FRAS1: variants seen among roughly 807,000 people sequenced by gnomAD.
FRAS1 encodes the protein Fraser extracellular matrix complex subunit 1.
In FRAS1, 290 loss-of-function variants were observed where a neutral mutation model predicts 435.2. The ratio of observed to expected loss-of-function variants is 0.67; its 90% confidence interval spans 0.61 to 0.73. FRAS1 has a LOEUF of 0.73. FRAS1 is among the 30% of genes least tolerant of loss of function. The probability of loss-of-function intolerance (pLI) is 0.00; values close to 1 mark genes in which losing one functional copy is unlikely to be tolerated. For synonymous variants in FRAS1, 1,800 were observed against 1,851.0 expected, an observed-to-expected ratio of 0.97 and a Z score of 0.71; for missense variants, 4,860 against 5,001.5, an observed-to-expected ratio of 0.97 and a Z score of 0.85.
intron 14 of FRAS1, among the ~76,000 whole-genome samples, chr4:78,296,559 A>G (rs1728153906): frequency 6.6e-6 from 1 of 152,180 alleles, no homozygotes; most frequent in Non-Finnish European, 1.5e-5. Flanking sequence ...GAGCCTCACC[A>G]AGGTATTTCC....
chr4:78,415,887 A>G (rs1210233455), intron 32 of FRAS1, among the ~76,000 whole-genome samples: 1 of 152,138 alleles, frequency 6.6e-6, no homozygotes, highest in Admixed American at 6.6e-5. Flanking sequence ...GTCAGAAAAC[A>G]AACAGGCTAT....
chr4:78,501,274 T>C (rs563342531), intron 61 of FRAS1, among the ~76,000 whole-genome samples: 1 of 152,216 alleles, frequency 6.6e-6, no homozygotes, highest in South Asian at 2.1e-4. Flanking sequence ...GCTTCATCCA[T>C]GTCCCTGCAA....
At chr4:78,117,187 C>A (rs193152408) in intron 2 of FRAS1, among the ~76,000 whole-genome samples, 11 of 152,328 alleles carry the variant, frequency 7.2e-5, no homozygotes, top group African/African-American at 2.6e-4. Context: ...TGTAGAGTTT[C>A]TGCCAAGAGA....
chr4:78,410,898 C>T (rs1733306957), intron 31 of FRAS1, among the ~76,000 whole-genome samples: 1 of 152,134 alleles, frequency 6.6e-6, no homozygotes, highest in African/African-American at 2.4e-5. Flanking sequence ...TCTAAAGTCT[C>T]ATTGTTTTAT....
rs114822652 is a variant in FRAS1, at chr4:78,516,581, A to G, written c.10389+568A>G. 8.7e-3 allele frequency among the ~76,000 whole-genome samples: 1,322 copies of G among 152,340 alleles called. 22 individuals are homozygous for G. The highest frequency in any genetic ancestry group is 0.03 in the African/African-American group (1,265 of 41,574). On this transcript the variant is annotated intron_variant, in intron 66 of 73. Coordinates refer to ENST00000512123, the MANE Select transcript of FRAS1 (RefSeq NM_025074.7). ...TGTGTTAGTCTATTCTCACACTACCATAAAGACAAACCAGAGACTGGTAAT... is the reference window on the plus strand; with the variant it reads ...TGTGTTAGTCTATTCTCACACTACCGTAAAGACAAACCAGAGACTGGTAAT...
At chr4:78,215,855 G>A (rs10446717) in intron 2 of FRAS1, among the ~76,000 whole-genome samples, 7,063 of 152,226 alleles carry the variant, frequency 0.046, 239 homozygotes, top group Non-Finnish European at 0.072. Context: ...TTCATCTGTC[G>A]ACAGACACTT....
At chr4:78,452,887 A>G (rs199721818) in intron 47 of FRAS1, among the ~76,000 whole-genome samples, 1 of 151,998 alleles carries the variant, frequency 6.6e-6, no homozygotes, top group African/African-American at 2.4e-5. Flanking sequence ...TTTAAGAAAG[A>G]TATAAACATG....
chr4:78,319,843 T>C (rs1177908929), intron 18 of FRAS1, among the ~76,000 whole-genome samples: 2 of 152,192 alleles, frequency 1.3e-5, no homozygotes, highest in African/African-American at 4.8e-5. Context: ...GTTTCAAGAC[T>C]AGGTTAAAAG....
chr4:78,165,213 C>T (rs777315812), intron 2 of FRAS1, among the ~76,000 whole-genome samples: 16 of 152,294 alleles, frequency 1.1e-4, no homozygotes, highest in Admixed American at 7.2e-4. Context: ...AAAACACTTT[C>T]ATCATTGCCT....
chr4:78,324,361 G>A (rs546360787), intron 18 of FRAS1, among the ~76,000 whole-genome samples: 1 of 152,224 alleles, frequency 6.6e-6, no homozygotes, highest in East Asian at 1.9e-4. Flanking sequence ...ATTTAACTGA[G>A]CGTCTTGTGT....
chr4:78,534,887 C>T (rs139353859), intron 71 of FRAS1, among the ~76,000 whole-genome samples: 133 of 152,278 alleles, frequency 8.7e-4, no homozygotes, highest in African/African-American at 3.0e-3. Context: ...CTGGCATTTC[C>T]GACCAGATTC....
At chr4:78,232,084 A>G (rs541485146) in intron 2 of FRAS1, among the ~76,000 whole-genome samples, 2 of 152,324 alleles carry the variant, frequency 1.3e-5, no homozygotes, top group African/African-American at 4.8e-5. Context: ...TTTGGATTTT[A>G]TGGCTTTATC....
At chr4:78,332,986 A>G (rs948145568) in intron 18 of FRAS1, among the ~76,000 whole-genome samples, 1 of 152,208 alleles carries the variant, frequency 6.6e-6, no homozygotes, top group Admixed American at 6.5e-5. Context: ...TTTATTTGAC[A>G]TTCTCTGAGA....
At position 78,274,639 on chromosome 4, in the gene FRAS1, T is replaced by A. The variant is rs985863055; in HGVS notation, c.982-4016T>A. The stretch of plus-strand genomic sequence containing the variant: ...GTTGAGCAGTTTGGAGTGAGTTTCT[T>A]AATCCTGAGTTCTAGTTTGATTGCA... On this transcript the variant is annotated intron_variant, in intron 9 of 73. Coordinates refer to ENST00000512123, the MANE Select transcript of FRAS1 (RefSeq NM_025074.7). 5.3e-5 allele frequency among the ~76,000 whole-genome samples: 8 copies of A among 152,366 alleles called. 2 individuals carry two copies. Among genetic ancestry groups the A allele is most frequent in the African/African-American group, 1.9e-4 (8 of 41,594 alleles).
At position 78,496,905 on chromosome 4, in the gene FRAS1, G is replaced by A; in HGVS notation, c.9059G>A (p.Gly3020Glu). The change falls in exon 60 of 74, where the codon GGA (glycine) becomes GAA (glutamate). Residue 3020 changes from glycine to glutamate, a missense_variant. Physicochemically the swap from Gly to Glu is moderately conservative, Grantham distance 98. Transcript: ENST00000512123. Reference protein sequence around the residue: ...LGLPLGNHWSGARIGKNNMAT... With the variant: ...LGLPLGNHWSEARIGKNNMAT... The stretch of plus-strand genomic sequence containing the variant: ...CTTCCTCTTGGAAACCACTGGAGTG[G>A]AGCTAGAATTGGAAAGAATAACATG... 6.2e-7 allele frequency: 1 copy of A among 1,613,716 alleles called. No individual in the cohort carries two copies. Among genetic ancestry groups the A allele is most frequent in the Non-Finnish European group, 8.5e-7 (1 of 1,179,692 alleles).
At chr4:78,363,797 C>T (rs1731167909) in intron 21 of FRAS1, 111 bp from the exon 22 acceptor site, 1 of 1,438,210 alleles carries the variant, frequency 7.0e-7, no homozygotes, top group Non-Finnish European at 9.4e-7. Context: ...GGACTGTAAA[C>T]CAGACTTGCC....
intron 2 of FRAS1, among the ~76,000 whole-genome samples, chr4:78,187,936 T>G (rs533389012): frequency 2.6e-5 from 4 of 152,180 alleles, no homozygotes; most frequent in Non-Finnish European, 5.9e-5. Flanking sequence ...CATCAGCATT[T>G]GATTTTATGC....
At chr4:78,065,247 G>T (rs1453970992) in intron 1 of FRAS1, among the ~76,000 whole-genome samples, 1 of 147,026 alleles carries the variant, frequency 6.8e-6, no homozygotes, top group Non-Finnish European at 1.5e-5. Flanking sequence ...GGGTATACAT[G>T]TGTATATATA....
At chr4:78,354,412 G>A (rs1730769537) in intron 20 of FRAS1, among the ~76,000 whole-genome samples, 1 of 152,166 alleles carries the variant, frequency 6.6e-6, no homozygotes, top group African/African-American at 2.4e-5. Flanking sequence ...GAGAATACAT[G>A]ATTTGTAACA....
Sources: gnomAD v4.1 joint callset for allele counts (sites outside exome capture counted in the v4.1 genomes callset) on GRCh38, gnomAD v4.1.1 for gene constraint, MANE v1.5 for transcripts, NCBI Gene and HGNC (gene_info 2026-07-23, HGNC 2026-07-21) for gene names.